The following SLC36A4 variants were observed in gnomAD, a reference collection of about 807,000 sequenced individuals.
SLC36A4 encodes the protein solute carrier family 36 member 4.
A neutral mutation model predicts 50.5 loss-of-function variants in SLC36A4; 49 were observed. The observed-to-expected ratio is 0.97, with a 90% CI of 0.77 to 1.23. The LOEUF is 1.23. SLC36A4 is among the 50% of genes most tolerant of loss of function. SLC36A4 has a pLI of 0.00. For missense variants in SLC36A4, 611 were observed against 608.4 expected (o/e 1.00, Z -0.05); for synonymous variants, 207 against 206.5 (o/e 1.00, Z -0.02).
Position 93,167,929 on chromosome 11 carries a change from A to AC in SLC36A4, c.768+14dup. ...AAGAAAGATAAGAACTTAGTTAAAA[A>AC]CTTTTTATACTTACCCTGACAACAT... On this transcript the variant is annotated intron_variant, in intron 7 of 10. Transcript: ENST00000326402. 1.9e-6 allele frequency: 3 copies of AC among 1,548,976 alleles called. No individual in the cohort carries two copies. The highest frequency in any genetic ancestry group is 2.6e-6 in the Non-Finnish European group (3 of 1,147,900).
At chr11:93,156,086 A>G (rs1860347080) in intron 9 of SLC36A4, among the ~76,000 whole-genome samples, 1 of 152,220 alleles carries the variant, frequency 6.6e-6, no homozygotes. Flanking sequence ...CTTTGGGTAT[A>G]AACCCAGTAA....
chr11:93,167,325 C>T (rs983473769), intron 7 of SLC36A4: 17 of 152,124 alleles, frequency 1.1e-4, no homozygotes, highest in African/African-American at 4.1e-4. Context: ...AGCTATACAA[C>T]TGCTCAACAG....
rs1440034881 is a variant in SLC36A4 at position 93,148,030 on chromosome 11, C to T, written c.*507G>A. ...GGGAGTTTTCTATACTTCCAGGAGC[C>T]AATCATTAGAATTTGGCTAATAAAA... On this transcript the variant is annotated 3_prime_UTR_variant, in exon 11 of 11. Transcript: ENST00000326402. The T allele has an allele frequency of 1.3e-5, 2 of 151,998 alleles. No homozygotes were observed. The highest frequency in any genetic ancestry group is 2.9e-5 in the Non-Finnish European group (2 of 68,202). The allele number at this position is 151,998 out of a possible 1,614,324, so 9.4% of individuals were successfully genotyped here.
chr11:93,188,285 C>T (rs1292099206), intron 1 of SLC36A4, among the ~76,000 whole-genome samples: 2 of 152,156 alleles, frequency 1.3e-5, no homozygotes, highest in East Asian at 3.8e-4. Context: ...GCTCCATTAG[C>T]CCAGTGCCAA....
chr11:93,187,841 T>C (rs1448889497), intron 1 of SLC36A4, among the ~76,000 whole-genome samples: 1 of 152,170 alleles, frequency 6.6e-6, no homozygotes, highest in Non-Finnish European at 1.5e-5. Context: ...GAGGGGCATC[T>C]CCACTGCTCT....
intron 1 of SLC36A4, among the ~76,000 whole-genome samples, chr11:93,194,306 C>T (rs191393892): frequency 1.3e-5 from 2 of 152,002 alleles, no homozygotes; most frequent in African/African-American, 2.4e-5. Flanking sequence ...TGTATTTTGG[C>T]AATAGAAAAA....
chr11:93,164,205 C>T (rs1860761273), intron 8 of SLC36A4, among the ~76,000 whole-genome samples: 1 of 152,156 alleles, frequency 6.6e-6, no homozygotes, highest in South Asian at 2.1e-4. Context: ...TATACTAACC[C>T]ATGTATACTC....
intron 7 of SLC36A4, chr11:93,166,529 C>G (rs1233976595): frequency 2.7e-6 from 1 of 371,692 alleles, no homozygotes. Context: ...TCAGTGCTTA[C>G]TATTTGATTT....
At chr11:93,183,949 C>T (rs1032415439) in intron 3 of SLC36A4, among the ~76,000 whole-genome samples, 7 of 152,124 alleles carry the variant, frequency 4.6e-5, no homozygotes, top group East Asian at 3.9e-4. Context: ...CTGCCCACCT[C>T]GGCCTCCCAG....
chr11:93,181,052 AG>A (rs1208669692), intron 5 of SLC36A4, among the ~76,000 whole-genome samples, 171 bp from the exon 6 acceptor site: 1 of 152,104 alleles, frequency 6.6e-6, no homozygotes, highest in African/African-American at 2.4e-5. Context: ...GAAAATCTCC[AG>A]AAAGGCCACA....
rs961318149 is a variant in SLC36A4 at position 93,144,755 on chromosome 11, A to C, written c.*3782T>G. 6.6e-6 allele frequency: 1 copy of C among 152,052 alleles called. No individual in the cohort carries two copies. Among genetic ancestry groups the C allele is most frequent in the Non-Finnish European group, 1.5e-5 (1 of 67,966 alleles). 9.4% of individuals were successfully genotyped at this position (152,052 alleles called of 1,614,324 possible). On this transcript the variant is annotated 3_prime_UTR_variant, in exon 11 of 11. Transcript: ENST00000326402. ...CAAAGTATTAACTATTACAGCCAGGAATTTAATGTTAGGAAGTACAACTAC... is the reference window on the plus strand; with the variant it reads ...CAAAGTATTAACTATTACAGCCAGGCATTTAATGTTAGGAAGTACAACTAC...
chr11:93,165,826 G>C, intron 8 of SLC36A4, 92 bp downstream of exon 8: 1 of 753,518 alleles, frequency 1.3e-6, no homozygotes, highest in Non-Finnish European at 2.0e-6. Context: ...AAATAAAAAA[G>C]AAAAATATGC....
intron 9 of SLC36A4, among the ~76,000 whole-genome samples, chr11:93,159,373 T>C (rs1860517814): frequency 6.6e-6 from 1 of 152,184 alleles, no homozygotes; most frequent in African/African-American, 2.4e-5. Flanking sequence ...CCTTCAGGTA[T>C]GAATAACTTA....
chr11:93,183,875 T>G (rs2134697052), intron 3 of SLC36A4, among the ~76,000 whole-genome samples: 1 of 152,102 alleles, frequency 6.6e-6, no homozygotes, highest in South Asian at 2.1e-4. Flanking sequence ...TTTTTTGCAT[T>G]TTTTAGTAGA....
intron 9 of SLC36A4, among the ~76,000 whole-genome samples, chr11:93,158,304 T>G (rs987762506): frequency 6.6e-6 from 1 of 152,134 alleles, no homozygotes; most frequent in African/African-American, 2.4e-5. Flanking sequence ...TTTTTCTAAT[T>G]AATTATCTTT....
intron 9 of SLC36A4, 196 bp from the exon 10 acceptor site, chr11:93,154,473 T>C: frequency 6.2e-6 from 2 of 322,032 alleles, no homozygotes; most frequent in Admixed American, 9.6e-5. Flanking sequence ...ACAATTCATT[T>C]TCACAAGACT....
chr11:93,159,720 C>T, intron 9 of SLC36A4: 1 of 638,676 alleles, frequency 1.6e-6, no homozygotes, highest in South Asian at 7.0e-5. Context: ...AATACATGTA[C>T]AGTATTACTC....
intron 10 of SLC36A4, among the ~76,000 whole-genome samples, chr11:93,149,204 G>A (rs1590924825): frequency 6.6e-6 from 1 of 152,064 alleles, no homozygotes; most frequent in African/African-American, 2.4e-5. Flanking sequence ...ACATAGAGTG[G>A]TGGGACATAA....
At chr11:93,173,927 C>A (rs1017313608) in intron 6 of SLC36A4, among the ~76,000 whole-genome samples, 15 of 141,386 alleles carry the variant, frequency 1.1e-4, no homozygotes, top group Non-Finnish European at 1.8e-4. Flanking sequence ...CTTGGCGATG[C>A]GGGCTCTTTT....
Sources: allele counts gnomAD v4.1 joint callset (sites outside exome capture counted in the v4.1 genomes callset), GRCh38; gene constraint gnomAD v4.1.1; transcripts MANE v1.5; gene names NCBI Gene and HGNC (gene_info 2026-07-23, HGNC 2026-07-21).